The following CHRM2 variants were observed in gnomAD, a reference collection of about 807,000 sequenced individuals.
The protein encoded by CHRM2 is muscarinic acetylcholine receptor M2.
In CHRM2, 8 loss-of-function variants were observed where a neutral mutation model predicts 25.0. The observed-to-expected ratio is 0.32, with a 90% confidence interval of 0.19 to 0.58. CHRM2 has a LOEUF of 0.58. Ranked by LOEUF, CHRM2 falls within the 20% of genes least tolerant of loss-of-function variation. The probability of loss-of-function intolerance (pLI) is 0.88; values close to 1 mark genes in which losing one functional copy is unlikely to be tolerated. For synonymous variants in CHRM2, 202 were observed against 205.7 expected (o/e 0.98, Z 0.15); for missense variants, 440 against 567.1 (o/e 0.78, Z 2.28).
At chr7:136,947,256 G>T (rs1424543) in intron 2 of CHRM2, among the ~76,000 whole-genome samples, 1 of 151,738 alleles carries the variant, frequency 6.6e-6, no homozygotes, top group Non-Finnish European at 1.5e-5. Flanking sequence ...AGCAGAGAAA[G>T]GAAAAACATT....
intron 2 of CHRM2, among the ~76,000 whole-genome samples, chr7:136,946,533 G>T (rs1052714618): frequency 2.6e-5 from 4 of 152,056 alleles, no homozygotes; most frequent in African/African-American, 9.7e-5. Flanking sequence ...CCTTTTCATA[G>T]ATTTCTTGTG....
rs1417400975 is a variant in CHRM2, at chr7:137,002,780, G to T, written c.-47+10516G>T. 3.3e-5 allele frequency among the ~76,000 whole-genome samples: 5 copies of T among 152,214 alleles called. No individual in the cohort carries two copies. The East Asian group carries it at 9.7e-4, about 29-fold the overall frequency. ...TACTTATTTTCTTGAGAGAAATAGA[G>T]AGTACATGCTTTGTTTCTGTTTTTG... On this transcript the variant is annotated intron_variant, in intron 3 of 3. Transcript: ENST00000680005.
chr7:137,011,268 G>C (rs1804808012), intron 3 of CHRM2, among the ~76,000 whole-genome samples: 1 of 148,682 alleles, frequency 6.7e-6, no homozygotes, highest in Non-Finnish European at 1.5e-5. Flanking sequence ...AAGTGTTTAT[G>C]GTTTATGGTG....
chr7:136,897,055 T>C (rs371569511), intron 2 of CHRM2, among the ~76,000 whole-genome samples: 4 of 147,434 alleles, frequency 2.7e-5, no homozygotes, highest in South Asian at 4.3e-4. Context: ...GGGGATGGAG[T>C]AGATAAATAT....
At chr7:136,975,657 G>C (rs531503985) in intron 2 of CHRM2, among the ~76,000 whole-genome samples, 1 of 152,046 alleles carries the variant, frequency 6.6e-6, no homozygotes, top group Non-Finnish European at 1.5e-5. Flanking sequence ...TAATATCAAA[G>C]GACAGATATT....
At chr7:136,935,035 G>T (rs1482686207) in intron 2 of CHRM2, among the ~76,000 whole-genome samples, 2 of 152,028 alleles carry the variant, frequency 1.3e-5, no homozygotes, top group Non-Finnish European at 2.9e-5. Flanking sequence ...TAAGGAAATG[G>T]TATTTTAAAG....
chr7:136,959,179 T>C (rs920793740), intron 2 of CHRM2, among the ~76,000 whole-genome samples: 7 of 152,212 alleles, frequency 4.6e-5, no homozygotes, highest in African/African-American at 1.2e-4. Context: ...TCTAGATACA[T>C]CCTTCAATTA....
intron 2 of CHRM2, among the ~76,000 whole-genome samples, chr7:136,945,616 A>T (rs1263377816): frequency 6.6e-6 from 1 of 152,046 alleles, no homozygotes; most frequent in Non-Finnish European, 1.5e-5. Flanking sequence ...TGTTTTGGTG[A>T]CTATAGCCTT....
chr7:136,882,046 A>C (rs1385073987), intron 2 of CHRM2, among the ~76,000 whole-genome samples: 1 of 152,006 alleles, frequency 6.6e-6, no homozygotes, highest in Non-Finnish European at 1.5e-5. Flanking sequence ...TCTTGTTCCT[A>C]TTTGAGAAGT....
intron 2 of CHRM2, chr7:136,906,849 T>C (rs1797582356): frequency 6.6e-6 from 1 of 151,528 alleles, no homozygotes; most frequent in African/African-American, 2.4e-5. Context: ...ATTACATTTA[T>C]TGTGCCCTTT....
intron 2 of CHRM2, among the ~76,000 whole-genome samples, chr7:136,948,879 G>A (rs1050251846): frequency 2.0e-5 from 3 of 152,126 alleles, no homozygotes; most frequent in East Asian, 3.9e-4. Context: ...AGCATCCTTG[G>A]GAATGGGAAA....
In CHRM2 at chr7:136,959,036, A is replaced by ATT. The variant is rs1265777688; in HGVS notation, c.-124-33150_-124-33149insTT. Among the ~76,000 whole-genome samples the ATT allele has an allele frequency of 6.6e-5, 10 of 152,174 alleles. 1 individual carries two copies. Among genetic ancestry groups the ATT allele is most frequent in the Admixed American group, 5.9e-4 (9 of 15,290 alleles). On this transcript the variant is annotated intron_variant, in intron 2 of 3. Transcript: ENST00000680005. ...AAAAGATGGCTGAGAGGCTATTTTTATGTTTCTGCCCTGGAGACTCTGAAC... is the reference window on the plus strand; with the variant it reads ...AAAAGATGGCTGAGAGGCTATTTTTATTTGTTTCTGCCCTGGAGACTCTGAAC...
rs75629357 is a variant in CHRM2, at chr7:136,946,816, T to C, written c.-124-45371T>C. Among the ~76,000 whole-genome samples the C allele has an allele frequency of 4.3e-3, 662 of 152,260 alleles. 8 individuals carry two copies. The highest frequency in any genetic ancestry group is 0.015 in the African/African-American group (629 of 41,558). ...AGGCAGGGAGGTATGGAAATACTTA[T>C]GATGGAAGAATTTTTCTCCAAGAAG... On this transcript the variant is annotated intron_variant, in intron 2 of 3. Coordinates refer to ENST00000680005, the MANE Select transcript of CHRM2 (RefSeq NM_001006630.2).
chr7:136,951,820 A>G (rs866459096), intron 2 of CHRM2, among the ~76,000 whole-genome samples: 1 of 152,176 alleles, frequency 6.6e-6, no homozygotes, highest in Admixed American at 6.6e-5. Context: ...TTCTACTGAA[A>G]TGGCAACCTT....
intron 2 of CHRM2, among the ~76,000 whole-genome samples, chr7:136,933,723 A>T (rs1438307853): frequency 1.3e-5 from 2 of 152,216 alleles, no homozygotes; most frequent in Non-Finnish European, 2.9e-5. Context: ...CATAAAATGG[A>T]ATATTATTCA....
At chr7:136,979,548 A>G (rs1802343290) in intron 2 of CHRM2, among the ~76,000 whole-genome samples, 1 of 152,154 alleles carries the variant, frequency 6.6e-6, no homozygotes, top group Admixed American at 6.5e-5. Flanking sequence ...GGTATTGCCT[A>G]GGTTTTCTTC....
chr7:137,000,732 T>C (rs1300514487), intron 3 of CHRM2, among the ~76,000 whole-genome samples: 2 of 142,884 alleles, frequency 1.4e-5, no homozygotes, highest in Non-Finnish European at 3.0e-5. Flanking sequence ...CTGTTCACCT[T>C]TTTTTTTTTA....
intron 2 of CHRM2, among the ~76,000 whole-genome samples, chr7:136,896,984 G>A (rs996003715): frequency 2.0e-5 from 3 of 152,070 alleles, no homozygotes; most frequent in Non-Finnish European, 4.4e-5. Context: ...AGGAGTCACG[G>A]TGAGTAACTG....
intron 2 of CHRM2, among the ~76,000 whole-genome samples, chr7:136,918,794 A>G (rs1375876903): frequency 2.0e-5 from 3 of 152,034 alleles, no homozygotes; most frequent in African/African-American, 7.2e-5. Flanking sequence ...AGAAACTTCC[A>G]GCAGCCACTG....
Sources: allele counts gnomAD v4.1 joint callset (sites outside exome capture counted in the v4.1 genomes callset), GRCh38; gene constraint gnomAD v4.1.1; transcripts MANE v1.5; gene names NCBI Gene and HGNC (gene_info 2026-07-23, HGNC 2026-07-21).